AGAP1: variants seen among roughly 807,000 people sequenced by gnomAD.
AGAP1 encodes the protein arf-GAP with GTPase, ANK repeat and PH domain-containing protein 1.
A neutral mutation model predicts 105.3 loss-of-function variants in AGAP1; 29 were observed. The ratio of observed to expected loss-of-function variants is 0.28; its 90% CI spans 0.21 to 0.38. The LOEUF is 0.38. AGAP1 is among the 10% of genes least tolerant of loss of function. The pLI is 1.00. For synonymous variants in AGAP1, 509 were observed against 485.9 expected, an observed-to-expected ratio of 1.05 and a Z score of -0.63; for missense variants, 998 against 1,165.1, an observed-to-expected ratio of 0.86 and a Z score of 2.09.
In AGAP1 at chr2:235,664,426, C is replaced by T. The variant is rs1047216791; in HGVS notation, c.164-44753C>T. The stretch of plus-strand genomic sequence containing the variant: ...ATAAAAAAGATTTCACCATGTTGGC[C>T]AGGCTGGTCTCAAACTCCTGATCTC... On this transcript the variant is annotated intron_variant, in intron 1 of 17. Coordinates refer to ENST00000304032, the MANE Select transcript of AGAP1 (RefSeq NM_001037131.3). The surrounding 1 kb of genome is among the most constrained non-coding windows in gnomAD (Gnocchi z 5.7). 1.3e-5 allele frequency among the ~76,000 whole-genome samples: 2 copies of T among 151,990 alleles called. No homozygotes were observed. The highest frequency in any genetic ancestry group is 4.8e-5 in the African/African-American group (2 of 41,386).
Position 235,600,082 on chromosome 2 carries a change from T to G in AGAP1, c.163+105233T>G, listed in dbSNP as rs1945678689. The stretch of plus-strand genomic sequence containing the variant: ...AAACAGCCTCCAGGGAGCCCCTCTC[T>G]CCATCCCAGCCTTTCTTCCTCTCTC... On this transcript the variant is annotated intron_variant, in intron 1 of 17. Coordinates refer to ENST00000304032, the MANE Select transcript of AGAP1 (RefSeq NM_001037131.3). This position sits in a 1 kb window ranked among gnomAD's most constrained non-coding sequence, Gnocchi z 4.8. 6.6e-6 allele frequency among the ~76,000 whole-genome samples: 1 copy of G among 152,160 alleles called. No homozygotes were observed. The highest frequency in any genetic ancestry group is 2.4e-5 in the African/African-American group (1 of 41,428).
intron 6 of AGAP1, among the ~76,000 whole-genome samples, chr2:235,756,816 G>T (rs996924013): frequency 3.9e-5 from 6 of 152,136 alleles, no homozygotes; most frequent in Admixed American, 6.6e-5. Flanking sequence ...AGACTCTAAT[G>T]CCTGACGAGC....
In AGAP1 at chr2:236,009,406, A is replaced by G. The variant is rs1180006936; in HGVS notation, c.1646-27155A>G. 1.3e-5 allele frequency among the ~76,000 whole-genome samples: 2 copies of G among 152,152 alleles called. No individual in the cohort carries two copies. Among genetic ancestry groups the G allele is most frequent in the South Asian group, 2.1e-4 (1 of 4,822 alleles). ...GGTTCCTGGGGGATGATCTTTGTGT[A>G]AAGGATCCTGGTGCCGCAGTCAGCC... On this transcript the variant is annotated intron_variant, in intron 13 of 17. Coordinates refer to ENST00000304032, the MANE Select transcript of AGAP1 (RefSeq NM_001037131.3). The surrounding 1 kb of genome is among the most constrained non-coding windows in gnomAD (Gnocchi z 4.2).
intron 1 of AGAP1, among the ~76,000 whole-genome samples, chr2:235,537,185 C>T (rs1685310697): frequency 6.6e-6 from 1 of 152,200 alleles, no homozygotes; most frequent in African/African-American, 2.4e-5. Context: ...GGTACCACAG[C>T]TAGCAAAGGT....
chr2:235,671,317 C>T (rs1396102417), intron 1 of AGAP1, among the ~76,000 whole-genome samples: 2 of 152,196 alleles, frequency 1.3e-5, no homozygotes, highest in East Asian at 3.9e-4. Context: ...GGAGAGGTCG[C>T]CTTGCCAGCC....
chr2:235,809,096 TTGATTTGGG>T (rs770327721), intron 9 of AGAP1, among the ~76,000 whole-genome samples: 109 of 152,082 alleles, frequency 7.2e-4, no homozygotes, highest in Non-Finnish European at 5.4e-4. Context: ...CTGTCTGTGG[TTGATTTGGG>T]TGATTTGGGT....
In AGAP1 at chr2:235,961,444, G is replaced by A. The variant is rs576503690; in HGVS notation, c.1484-7018G>A. On this transcript the variant is annotated intron_variant, in intron 12 of 17. Transcript: ENST00000304032. The surrounding 1 kb of genome is among the most constrained non-coding windows in gnomAD (Gnocchi z 5.9). ...GATGCAGCACCTGCAGGGTGCCGCC[G>A]GCCCCAGCAAGGACACACCAGTGGT... is the stretch of plus-strand genomic sequence containing the variant. 3.9e-5 allele frequency among the ~76,000 whole-genome samples: 6 copies of A among 152,320 alleles called. No individual in the cohort carries two copies. In the East Asian group the frequency reaches 5.8e-4, roughly 15 times the overall value.
chr2:235,969,236 T>C (rs543836358), intron 13 of AGAP1, among the ~76,000 whole-genome samples: 1 of 152,258 alleles, frequency 6.6e-6, no homozygotes, highest in Admixed American at 6.5e-5. Context: ...CTTCCTGAAG[T>C]GGCTCCTTCA....
rs1300884489 is a variant in AGAP1, at chr2:235,754,109, A to G, written c.673+3621A>G. On this transcript the variant is annotated intron_variant, in intron 6 of 17. Coordinates refer to ENST00000304032, the MANE Select transcript of AGAP1 (RefSeq NM_001037131.3). This position sits in a 1 kb window ranked among gnomAD's most constrained non-coding sequence, Gnocchi z 4.6. ...GGACACAGCCTGGACTGGATCCCCC[A>G]TCTTGGGACCTGAGAGCCTCGACTT... is the stretch of plus-strand genomic sequence containing the variant. 1.3e-5 allele frequency among the ~76,000 whole-genome samples: 2 copies of G among 152,180 alleles called. No individual in the cohort carries two copies. Among genetic ancestry groups the G allele is most frequent in the Non-Finnish European group, 2.9e-5 (2 of 68,016 alleles).
At chr2:235,871,605 C>T (rs1238114800) in intron 9 of AGAP1, among the ~76,000 whole-genome samples, 1 of 152,224 alleles carries the variant, frequency 6.6e-6, no homozygotes, top group Non-Finnish European at 1.5e-5. Flanking sequence ...ATTTTTGTTA[C>T]AGCAGTACAG....
chr2:236,006,705 G>T (rs1188357451), intron 13 of AGAP1, among the ~76,000 whole-genome samples: 1 of 152,116 alleles, frequency 6.6e-6, no homozygotes, highest in African/African-American at 2.4e-5. Context: ...TCCAACAAAG[G>T]TCTCTGTTGG....
chr2:235,676,516 A>G (rs1405648658), intron 1 of AGAP1, among the ~76,000 whole-genome samples: 1 of 152,174 alleles, frequency 6.6e-6, no homozygotes, highest in East Asian at 1.9e-4. Flanking sequence ...TAGGATCTGT[A>G]GGAGTTTACC....
chr2:235,716,029 C>T lies in AGAP1; in HGVS notation c.223-1528C>T, dbSNP rs746432588. 6.6e-6 allele frequency among the ~76,000 whole-genome samples: 1 copy of T among 152,294 alleles called. No individual in the cohort carries two copies. The highest frequency in any genetic ancestry group is 1.9e-4 in the East Asian group (1 of 5,182). The stretch of plus-strand genomic sequence containing the variant: ...TAGGGGCGCCTGGAGCTGGGGTGGA[C>T]GGCGGCCAGGGGATGCGATTTGGGA... On this transcript the variant is annotated intron_variant, in intron 2 of 17. Transcript: ENST00000304032. This position sits in a 1 kb window ranked among gnomAD's most constrained non-coding sequence, Gnocchi z 4.0.
intron 16 of AGAP1, among the ~76,000 whole-genome samples, chr2:236,112,187 GGACA>G (rs1559287664): frequency 2.0e-5 from 3 of 152,044 alleles, no homozygotes; most frequent in Non-Finnish European, 4.4e-5. Flanking sequence ...AGGCCGAGGA[GGACA>G]GATCACCTGA....
chr2:235,990,300 G>T (rs757732671), intron 13 of AGAP1, among the ~76,000 whole-genome samples: 1 of 152,140 alleles, frequency 6.6e-6, no homozygotes, highest in East Asian at 1.9e-4. Context: ...GTGTCCAGCC[G>T]CACCTTCCAG....
rs918493964 is a variant in AGAP1 at position 235,839,467 on chromosome 2, C to T, written c.1050+32136C>T. Reference sequence around the variant, plus strand: ...AGAGCTTAAAAAAGCAAAAAGCAAGCCGGGCACAGTAGCTCATGCCTCTAA... The same window carrying T: ...AGAGCTTAAAAAAGCAAAAAGCAAGTCGGGCACAGTAGCTCATGCCTCTAA... On this transcript the variant is annotated intron_variant, in intron 9 of 17. Coordinates refer to ENST00000304032, the MANE Select transcript of AGAP1 (RefSeq NM_001037131.3). Among the ~76,000 whole-genome samples, 5 of 152,320 alleles carry T rather than the reference C, an allele frequency of 3.3e-5. No individual in the cohort carries two copies. The East Asian group carries it at 5.8e-4, about 18-fold the overall frequency.
rs1230933534 is a variant in AGAP1, at chr2:235,639,861, T to C, written c.164-69318T>C. 2.0e-5 allele frequency among the ~76,000 whole-genome samples: 3 copies of C among 152,132 alleles called. No individual in the cohort carries two copies. ...GGATTATTTGCAACGTCTTGAGGGG[T>C]CCACGGATTGATAGAGTCAGCAGGG... is the stretch of plus-strand genomic sequence containing the variant. On this transcript the variant is annotated intron_variant, in intron 1 of 17. Coordinates refer to ENST00000304032, the MANE Select transcript of AGAP1 (RefSeq NM_001037131.3). This position sits in a 1 kb window ranked among gnomAD's most constrained non-coding sequence, Gnocchi z 5.3.
intron 6 of AGAP1, among the ~76,000 whole-genome samples, chr2:235,785,167 G>A (rs1184373742): frequency 6.6e-6 from 1 of 152,118 alleles, no homozygotes; most frequent in Non-Finnish European, 1.5e-5. Flanking sequence ...ATTGTTGTAA[G>A]GATAATTATT....
chr2:235,830,041 G>A lies in AGAP1; in HGVS notation c.1050+22710G>A, dbSNP rs1959204469. Reference sequence around the variant, plus strand: ...TACACAGTCAGAAGGAAGACTGGGGGTCGGGGTGGGACAGCATGATGCAGA... The same window carrying A: ...TACACAGTCAGAAGGAAGACTGGGGATCGGGGTGGGACAGCATGATGCAGA... On this transcript the variant is annotated intron_variant, in intron 9 of 17. Coordinates refer to ENST00000304032, the MANE Select transcript of AGAP1 (RefSeq NM_001037131.3). This position sits in a 1 kb window ranked among gnomAD's most constrained non-coding sequence, Gnocchi z 5.5. Among the ~76,000 whole-genome samples, 1 of 152,186 alleles carries A rather than the reference G, an allele frequency of 6.6e-6. No homozygotes were observed. Among genetic ancestry groups the A allele is most frequent in the South Asian group, 2.1e-4 (1 of 4,824 alleles).
Sources: allele counts gnomAD v4.1 joint callset (sites outside exome capture counted in the v4.1 genomes callset), GRCh38; gene constraint gnomAD v4.1.1; non-coding constraint Gnocchi (gnomAD v3.1); transcripts MANE v1.5; gene names NCBI Gene and HGNC (gene_info 2026-07-23, HGNC 2026-07-21).